Variants in PAMR1 observed in about 807,000 individuals in gnomAD.
The protein encoded by PAMR1 is peptidase domain containing associated with muscle regeneration 1, also known as inactive serine protease PAMR1.
Under a neutral mutation model 81.8 loss-of-function variants are expected in PAMR1, and 88 were observed. The ratio of observed to expected loss-of-function variants is 1.08; its 90% confidence interval spans 0.91 to 1.28. PAMR1 has a LOEUF of 1.28. Among genes scored for constraint, PAMR1 ranks in the 50% most tolerant of loss-of-function variants. The pLI, the probability that PAMR1 is intolerant of heterozygous loss-of-function variation, is 0.00. For missense variants in PAMR1, 935 were observed against 919.7 expected, an observed-to-expected ratio of 1.02 and a Z score of -0.21; for synonymous variants, 336 against 345.3, an observed-to-expected ratio of 0.97 and a Z score of 0.30.
intron 6 of PAMR1, among the ~76,000 whole-genome samples, chr11:35,465,465 T>A (rs1856740156): frequency 6.6e-6 from 1 of 152,178 alleles, no homozygotes; most frequent in Non-Finnish European, 1.5e-5. Flanking sequence ...AAATAAATCT[T>A]TTTGCTCTTT....
intron 6 of PAMR1, among the ~76,000 whole-genome samples, chr11:35,462,947 A>G (rs1344342976): frequency 6.6e-6 from 1 of 152,184 alleles, no homozygotes; most frequent in African/African-American, 2.4e-5. Context: ...AGGTCTTAGA[A>G]CTGTGAAAAA....
At chr11:35,439,797 C>T in intron 7 of PAMR1, 104 bp from the exon 8 acceptor site, 2 of 931,730 alleles carry the variant, frequency 2.1e-6, no homozygotes, top group South Asian at 1.4e-5. Flanking sequence ...CACCAGGTGC[C>T]CATTCCCCAG....
chr11:35,459,861 C>T (rs918839104), intron 6 of PAMR1, among the ~76,000 whole-genome samples: 10 of 152,212 alleles, frequency 6.6e-5, no homozygotes, highest in African/African-American at 2.4e-4. Context: ...ATAGCCCTGC[C>T]TTATTTCCCC....
In PAMR1 at chr11:35,494,183, A is replaced by C; in HGVS notation, c.163T>G (p.Cys55Gly). Reference sequence around the variant, plus strand: ...CCCACGACTTCCCTCTTTCCGGGGCAGACGCACTCAATCTGATCATATTCA... The same window carrying C: ...CCCACGACTTCCCTCTTTCCGGGGCCGACGCACTCAATCTGATCATATTCA... ...CCEYDQIECV[C>G]PGKREVVGYT... The change falls in exon 2 of 11, where the codon TGC becomes GGC. Residue 55 changes from cysteine to glycine, a missense_variant. Transcript: ENST00000619888. 6 of 1,614,110 alleles carry C rather than the reference A, an allele frequency of 3.7e-6. No homozygotes were observed. Among genetic ancestry groups the C allele is most frequent in the Non-Finnish European group, 5.1e-6 (6 of 1,179,932 alleles).
chr11:35,480,071 C>T (rs915392087), intron 3 of PAMR1, among the ~76,000 whole-genome samples: 3 of 152,180 alleles, frequency 2.0e-5, no homozygotes, highest in Non-Finnish European at 4.4e-5. Flanking sequence ...TCCCCCATGA[C>T]GCAGTTCCAC....
intron 1 of PAMR1, among the ~76,000 whole-genome samples, chr11:35,508,516 A>ATTTTTTTTTTTTTTTTTTTTTTTTTTTTT (rs59836040): frequency 1.0e-5 from 1 of 98,052 alleles, no homozygotes; most frequent in Non-Finnish European, 1.9e-5. Flanking sequence ...AGGAACCTCC[A>ATTTTTTTTTTTTTTTTTTTTTTTTTTTTT]TTTTTTTTTT....
intron 1 of PAMR1, among the ~76,000 whole-genome samples, chr11:35,510,256 G>A (rs1851047793): frequency 6.6e-6 from 1 of 152,054 alleles, no homozygotes; most frequent in Admixed American, 6.5e-5. Flanking sequence ...CTAGAGCTGT[G>A]CATTTGTTAC....
At position 35,432,433 on chromosome 11, in the gene PAMR1, T is replaced by G; in HGVS notation, c.2086A>C (p.Thr696Pro). ...MGLVSWSYDKTCSHRLSTAFT... is the reference protein window; with the variant it reads ...MGLVSWSYDKPCSHRLSTAFT... ...GCAGTGGAGAGCCTGTGGCTGCATG[T>G]TTTATCATAGCTCCAGCTGACCAGT... The change falls in exon 11 of 11, where the codon ACA becomes CCA. Residue 696 changes from threonine to proline, a missense_variant. Physicochemically the swap from Thr to Pro is conservative, Grantham distance 38. Transcript: ENST00000619888. 5.0e-6 allele frequency: 8 copies of G among 1,614,160 alleles called. No homozygotes were observed. Among genetic ancestry groups the G allele is most frequent in the Non-Finnish European group, 6.8e-6 (8 of 1,180,040 alleles).
intron 5 of PAMR1, among the ~76,000 whole-genome samples, chr11:35,470,013 T>C (rs1274652316): frequency 6.6e-6 from 1 of 152,188 alleles, no homozygotes; most frequent in African/African-American, 2.4e-5. Flanking sequence ...TATAGTCTTT[T>C]AATACCTATT....
chr11:35,520,359 T>A (rs1851248538), intron 1 of PAMR1, among the ~76,000 whole-genome samples: 1 of 152,220 alleles, frequency 6.6e-6, no homozygotes, highest in Admixed American at 6.5e-5. Flanking sequence ...ATTCTCTGCC[T>A]TCCTTGAGCA....
At chr11:35,530,244 C>T (rs577870284), upstream of PAMR1, 2 of 152,294 alleles carry the variant, frequency 1.3e-5, no homozygotes, top group Non-Finnish European at 2.9e-5. Flanking sequence ...ACAAAGGGCC[C>T]TTCCACTGGA....
chr11:35,494,237 C>T lies in PAMR1; in HGVS notation c.109G>A (p.Glu37Lys). The T allele has an allele frequency of 6.2e-7, 1 of 1,614,214 alleles. No individual in the cohort carries two copies. The highest frequency in any genetic ancestry group is 8.5e-7 in the Non-Finnish European group (1 of 1,180,026). The change falls in exon 2 of 11, where the codon GAG becomes AAG. Residue 37 changes from glutamate to lysine, a missense_variant. By Grantham distance (56) the Glu-to-Lys change is moderately conservative. Transcript: ENST00000619888. ...CACTCCCGACACATGATATTCCACTCTGCTCCAGGGCAGGCTTCATTAATG... is the reference window on the plus strand; with the variant it reads ...CACTCCCGACACATGATATTCCACTTTGCTCCAGGGCAGGCTTCATTAATG... ...TVINEACPGA[E>K]WNIMCRECCE...
intron 6 of PAMR1, among the ~76,000 whole-genome samples, chr11:35,458,285 T>C (rs545005205): frequency 6.6e-6 from 1 of 152,360 alleles, no homozygotes; most frequent in East Asian, 1.9e-4. Context: ...TCATTCACTT[T>C]CTTTTAATCT....
At chr11:35,440,313 T>C (rs1464551351) in intron 7 of PAMR1, among the ~76,000 whole-genome samples, 2 of 152,236 alleles carry the variant, frequency 1.3e-5, no homozygotes, top group Non-Finnish European at 2.9e-5. Context: ...TTTGGTTGTA[T>C]TAATTTGTAA....
chr11:35,482,652 TTCTTCCTA>T (rs1850418090), intron 3 of PAMR1, among the ~76,000 whole-genome samples: 1 of 152,254 alleles, frequency 6.6e-6, no homozygotes, highest in African/African-American at 2.4e-5. Context: ...ACAATATTGA[TTCTTCCTA>T]TCCATGAGGA....
chr11:35,476,240 A>T (rs1216315874), intron 3 of PAMR1, among the ~76,000 whole-genome samples: 3 of 152,034 alleles, frequency 2.0e-5, no homozygotes, highest in Non-Finnish European at 2.9e-5. Context: ...AGCCTCCATC[A>T]TCTCTCTCTG....
intron 4 of PAMR1, among the ~76,000 whole-genome samples, chr11:35,473,542 G>T (rs1223562012): frequency 1.3e-5 from 2 of 152,276 alleles, no homozygotes; most frequent in East Asian, 3.9e-4. Context: ...CTTGAGCCAG[G>T]CTTCCTCTAG....
intron 3 of PAMR1, among the ~76,000 whole-genome samples, chr11:35,488,536 G>T (rs115838855): frequency 0.047 from 6,642 of 141,512 alleles, 168 homozygotes; most frequent in Middle Eastern, 0.067. Flanking sequence ...CATCTTAATT[G>T]GTATTTTTCC....
At chr11:35,486,537 A>C (rs1850511748) in intron 3 of PAMR1, among the ~76,000 whole-genome samples, 2 of 152,184 alleles carry the variant, frequency 1.3e-5, no homozygotes, top group Admixed American at 1.3e-4. Context: ...CTGCCTGCCT[A>C]GGTGATAGAC....
Sources: allele counts gnomAD v4.1 joint callset (sites outside exome capture counted in the v4.1 genomes callset), GRCh38; gene constraint gnomAD v4.1.1; transcripts MANE v1.5; gene names NCBI Gene and HGNC (gene_info 2026-07-23, HGNC 2026-07-21).